DRICH1: variants seen among roughly 807,000 people sequenced by gnomAD.
DRICH1 encodes the protein aspartate rich 1, also known as aspartate-rich protein 1.
Under a neutral mutation model 39.5 loss-of-function variants are expected in DRICH1, and 38 were observed. That is an observed-to-expected ratio of 0.96 (90% CI 0.74 to 1.26). DRICH1 has a LOEUF of 1.26. Among genes scored for constraint, DRICH1 ranks in the 50% most tolerant of loss-of-function variants. The pLI is 0.00. For synonymous variants in DRICH1, 84 were observed against 99.5 expected (o/e 0.84, Z 0.93); for missense variants, 279 against 270.4 (o/e 1.03, Z -0.22).
chr22:23,584,045 G>A, the DRICH1 span, among the ~76,000 whole-genome samples: 2 of 152,224 alleles, frequency 1.3e-5, no homozygotes, highest in African/African-American at 4.8e-5. Context: ...GGCAGCCTCA[G>A]ACCACATCTT....
chr22:23,626,144 T>G, intron 1 of DRICH1, 96 bp from the exon 2 acceptor site: 3 of 817,390 alleles, frequency 3.7e-6, no homozygotes, highest in Non-Finnish European at 6.3e-6. Context: ...AGCGTGGGAC[T>G]GAAGGTTCGG....
the DRICH1 span, among the ~76,000 whole-genome samples, chr22:23,592,393 G>A: frequency 0.18 from 7,165 of 40,206 alleles, 197 homozygotes; most frequent in Middle Eastern, 0.33. Flanking sequence ...GAGCAAGACT[G>A]GGGGGGGGCG....
At chr22:23,608,879 G>A in intron 11 of DRICH1, 111 bp from the exon 12 acceptor site, 1 of 1,162,532 alleles carries the variant, frequency 8.6e-7, no homozygotes, top group Non-Finnish European at 1.3e-6. Flanking sequence ...TCCCGCCTCT[G>A]CAGTCCAGGC....
At chr22:23,598,293 A>G in the DRICH1 span, among the ~76,000 whole-genome samples, 5,298 of 127,876 alleles carry the variant, frequency 0.041, 322 homozygotes, top group South Asian at 0.088. Flanking sequence ...ATCACACAGC[A>G]TGTCACCCAC....
At chr22:23,611,939 A>G (rs1927059616) in intron 11 of DRICH1, among the ~76,000 whole-genome samples, 1 of 152,202 alleles carries the variant, frequency 6.6e-6, no homozygotes, top group Non-Finnish European at 1.5e-5. Context: ...GAATTTTTAG[A>G]AAGAGATAAA....
chr22:23,603,701 C>A (rs545632480), downstream of DRICH1, among the ~76,000 whole-genome samples: 1 of 152,262 alleles, frequency 6.6e-6, no homozygotes, highest in Non-Finnish European at 1.5e-5. Context: ...GGCATCCCCC[C>A]ACTGCAGAGG....
At position 23,620,596 on chromosome 22, in the gene DRICH1, T is replaced by C. The variant is rs1188939527; in HGVS notation, c.404A>G (p.Gln135Arg). The change falls in exon 5 of 12, where the codon CAG becomes CGG. Residue 135 changes from glutamine (Q) to arginine (R), a missense_variant and splice_region_variant. Physicochemically the swap from Gln to Arg is conservative, Grantham distance 43. Transcript: ENST00000317749. Reference protein sequence around the residue: ...DDAQILPSRVQGGCYRFDSSS... With the variant: ...DDAQILPSRVRGGCYRFDSSS... ...GTGAGTTAGTTCAAGGTACATACCC[T>C]GGACACGTGACGGTAAAATCTGCAA... The C allele has an allele frequency of 1.2e-6, 2 of 1,613,842 alleles. No homozygotes were observed. Among genetic ancestry groups the C allele is most frequent in the Admixed American group, 1.7e-5 (1 of 59,990 alleles).
At chr22:23,610,958 T>A (rs183443674) in intron 11 of DRICH1, among the ~76,000 whole-genome samples, 232 of 151,916 alleles carry the variant, frequency 1.5e-3, no homozygotes, top group African/African-American at 5.4e-3. Context: ...TCTGTTCTCA[T>A]TCCATCACAT....
At chr22:23,583,925 C>T in the DRICH1 span, 1 of 152,616 alleles carries the variant, frequency 6.6e-6, no homozygotes, top group South Asian at 2.1e-4. Flanking sequence ...GTGGTTCCCC[C>T]AAGGACAGCC....
intron 5 of DRICH1, 143 bp from the exon 6 acceptor site, chr22:23,619,536 A>AGCAT: frequency 1.5e-6 from 1 of 668,066 alleles, no homozygotes; most frequent in Non-Finnish European, 2.8e-6. Context: ...AAATGCAAAC[A>AGCAT]GCATGCTTCC....
At chr22:23,629,205 A>G (rs1324640205) in intron 1 of DRICH1, among the ~76,000 whole-genome samples, 2 of 152,064 alleles carry the variant, frequency 1.3e-5, no homozygotes, top group African/African-American at 4.8e-5. Context: ...CATCCAACTC[A>G]TTTTTATATT....
the DRICH1 span, among the ~76,000 whole-genome samples, chr22:23,593,462 C>T: frequency 1.3e-5 from 2 of 151,830 alleles, no homozygotes; most frequent in Non-Finnish European, 2.9e-5. Flanking sequence ...GTCAGAAGTT[C>T]GAGACCAGCC....
At chr22:23,605,182 C>T (rs1926660748), downstream of DRICH1, among the ~76,000 whole-genome samples, 1 of 152,158 alleles carries the variant, frequency 6.6e-6, no homozygotes, top group Non-Finnish European at 1.5e-5. Context: ...ATGAACAGGC[C>T]ATTGTGACCC....
chr22:23,626,153 G>C, intron 1 of DRICH1, 105 bp from the exon 2 acceptor site: 1 of 745,320 alleles, frequency 1.3e-6, no homozygotes, highest in Non-Finnish European at 2.4e-6. Context: ...CTGAAGGTTC[G>C]GAGACCATCT....
chr22:23,603,689 C>T (rs5751702), downstream of DRICH1, among the ~76,000 whole-genome samples: 88,805 of 151,806 alleles, frequency 0.58, 26,403 homozygotes, highest in African/African-American at 0.62. Context: ...GAGACCAGTA[C>T]TGGCATCCCC....
chr22:23,586,280 G>A, the DRICH1 span, among the ~76,000 whole-genome samples: 1 of 152,180 alleles, frequency 6.6e-6, no homozygotes, highest in East Asian at 1.9e-4. Context: ...CTTGAGCCCA[G>A]GAGTTTGAAA....
rs2123756235 is a variant in DRICH1, at chr22:23,608,575, A to G, written c.*189T>C. ...CAGGCCCAGAAGCACTGGGTCCTGG[A>G]TGGTACAGGCCAAACCTAGTGCTGG... is the stretch of plus-strand genomic sequence containing the variant. On this transcript the variant is annotated 3_prime_UTR_variant, in exon 12 of 12. Coordinates refer to ENST00000317749, the MANE Select transcript of DRICH1 (RefSeq NM_016449.4). 5.0e-6 allele frequency: 3 copies of G among 595,092 alleles called. No homozygotes were observed. The highest frequency in any genetic ancestry group is 5.5e-5 in the East Asian group (2 of 36,130). The allele number at this position is 595,092 out of a possible 1,614,324, so 36.9% of individuals were successfully genotyped here. A position where few individuals can be genotyped will look rare whatever the true frequency, so the allele number is the denominator to read the frequency against.
downstream of DRICH1, among the ~76,000 whole-genome samples, chr22:23,604,642 T>C (rs574944954): frequency 6.6e-6 from 1 of 152,278 alleles, no homozygotes; most frequent in Non-Finnish European, 1.5e-5. Flanking sequence ...CAGGGTCAGC[T>C]TTCCTCGTGG....
chr22:23,606,475 G>A (rs1052869980), downstream of DRICH1, among the ~76,000 whole-genome samples: 5 of 152,106 alleles, frequency 3.3e-5, no homozygotes, highest in South Asian at 4.1e-4. Flanking sequence ...CATTGGCGTC[G>A]GTTGGGGCGC....
Sources: allele counts gnomAD v4.1 joint callset (sites outside exome capture counted in the v4.1 genomes callset), GRCh38; gene constraint gnomAD v4.1.1; transcripts MANE v1.5; gene names NCBI Gene and HGNC (gene_info 2026-07-23, HGNC 2026-07-21).